STK33: variants seen among roughly 807,000 people sequenced by gnomAD.
The protein encoded by STK33 is serine/threonine-protein kinase 33.
STK33 carries 52 observed loss-of-function variants against 58.0 expected under a neutral mutation model. The observed-to-expected ratio is 0.90, with a 90% confidence interval of 0.72 to 1.13. The LOEUF (loss-of-function observed/expected upper bound fraction) is 1.13, where lower values mean the gene tolerates loss of function less well. Among genes scored for constraint, STK33 ranks in the 50% most tolerant of loss-of-function variants. The pLI, the probability that STK33 is intolerant of heterozygous loss-of-function variation, is 0.00. For missense variants in STK33, 630 were observed against 604.2 expected, an observed-to-expected ratio of 1.04 and a Z score of -0.45; for synonymous variants, 215 against 200.1, an observed-to-expected ratio of 1.07 and a Z score of -0.63.
At chr11:8,403,855 G>T (rs1288781096) in intron 15 of STK33, among the ~76,000 whole-genome samples, 1 of 152,162 alleles carries the variant, frequency 6.6e-6, no homozygotes, top group Non-Finnish European at 1.5e-5. Context: ...GGTGATAATG[G>T]ATGCAAAACC....
rs55646106 is a variant in STK33, at chr11:8,442,030, T to TACACAC, written c.872-1283_872-1278dup. On this transcript the variant is annotated intron_variant, in intron 11 of 15. Transcript: ENST00000687296. ...TCTCCCACCTACACATACCTACACCTACACACACACACACACACACACACA... is the reference window on the plus strand; with the variant it reads ...TCTCCCACCTACACATACCTACACCTACACACACACACACACACACACACACACACA... Among the ~76,000 whole-genome samples, 576 of 143,416 alleles carry TACACAC rather than the reference T, an allele frequency of 4.0e-3. 7 individuals are homozygous for TACACAC. The highest frequency in any genetic ancestry group is 0.014 in the African/African-American group (535 of 39,050). 94.1% of individuals were successfully genotyped at this position (143,416 alleles called of 152,430 possible).
At chr11:8,461,667 G>T in intron 8 of STK33, 138 bp downstream of exon 8, 1 of 511,176 alleles carries the variant, frequency 2.0e-6, no homozygotes. Flanking sequence ...CCTCCAGAAT[G>T]TTCTCATCAA....
At chr11:8,535,897 G>T (rs1954959928) in intron 1 of STK33, among the ~76,000 whole-genome samples, 1 of 152,184 alleles carries the variant, frequency 6.6e-6, no homozygotes, top group South Asian at 2.1e-4. Flanking sequence ...TAGAATACTG[G>T]AATGGAATAC....
At chr11:8,464,597 G>T in intron 7 of STK33, 112 bp downstream of exon 7, 2 of 674,172 alleles carry the variant, frequency 3.0e-6, no homozygotes, top group Non-Finnish European at 5.0e-6. Context: ...ATCAGCCCAG[G>T]CCTGGGACCT....
At chr11:8,512,222 C>A (rs1952387750) in intron 1 of STK33, among the ~76,000 whole-genome samples, 1 of 152,050 alleles carries the variant, frequency 6.6e-6, no homozygotes, top group Non-Finnish European at 1.5e-5. Context: ...CTATAACTGA[C>A]AAAAATTTAC....
rs117337072 is a variant in STK33 at position 8,468,860 on chromosome 11, G to A, written c.340-4038C>T. Among the ~76,000 whole-genome samples the A allele has an allele frequency of 2.2e-3, 333 of 152,076 alleles. 3 individuals are homozygous for A. Among genetic ancestry groups the A allele is most frequent in the Non-Finnish European group, 4.2e-3 (288 of 67,988 alleles). ...AGACCACCACCATAAAGCAAAAATT[G>A]CAATAAAGCATATAAAAGTTATGTT... On this transcript the variant is annotated intron_variant, in intron 6 of 15. Coordinates refer to ENST00000687296, the MANE Select transcript of STK33 (RefSeq NM_001352389.2).
intron 14 of STK33, among the ~76,000 whole-genome samples, chr11:8,425,121 C>CT: frequency 6.6e-6 from 1 of 151,102 alleles, no homozygotes; most frequent in African/African-American, 2.4e-5. Flanking sequence ...GGTTTTAGGT[C>CT]TAACATTTAA....
intron 14 of STK33, chr11:8,434,352 A>T (rs1943803033): frequency 5.9e-5 from 9 of 153,476 alleles, no homozygotes; most frequent in Middle Eastern, 3.3e-3. Flanking sequence ...CAAATAATAG[A>T]TTTATAATTT....
intron 1 of STK33, among the ~76,000 whole-genome samples, chr11:8,525,643 A>T (rs2139988380): frequency 6.6e-6 from 1 of 152,342 alleles, no homozygotes; most frequent in Non-Finnish European, 1.5e-5. Flanking sequence ...TAAAGCTTCC[A>T]AAAGAAAACA....
intron 1 of STK33, among the ~76,000 whole-genome samples, chr11:8,579,938 A>G (rs1211546470): frequency 6.6e-6 from 1 of 152,212 alleles, no homozygotes; most frequent in Non-Finnish European, 1.5e-5. Context: ...CCCAGTTTAA[A>G]CGGCTTTTAT....
At chr11:8,458,048 T>TC (rs1565057580) in intron 8 of STK33, among the ~76,000 whole-genome samples, 2 of 152,138 alleles carry the variant, frequency 1.3e-5, no homozygotes, top group Non-Finnish European at 2.9e-5. Context: ...GGATTTTTTT[T>TC]CCCATATGCA....
At chr11:8,529,297 C>A (rs1032727184) in intron 1 of STK33, among the ~76,000 whole-genome samples, 1 of 152,190 alleles carries the variant, frequency 6.6e-6, no homozygotes, top group Non-Finnish European at 1.5e-5. Context: ...GGGCCAGAGG[C>A]AGGTAGGGCC....
chr11:8,435,055 T>C (rs905957173), intron 14 of STK33, among the ~76,000 whole-genome samples: 1 of 152,140 alleles, frequency 6.6e-6, no homozygotes, highest in African/African-American at 2.4e-5. Flanking sequence ...TGTAAATAAA[T>C]AAAATTCCAA....
At chr11:8,495,953 TG>T (rs1347717138) in intron 1 of STK33, among the ~76,000 whole-genome samples, 3 of 101,218 alleles carry the variant, frequency 3.0e-5, no homozygotes, top group Non-Finnish European at 6.0e-5. Context: ...TGTCATGGGG[TG>T]GGGGGCTGGG....
At chr11:8,520,489 G>T (rs1953309049) in intron 1 of STK33, among the ~76,000 whole-genome samples, 1 of 152,124 alleles carries the variant, frequency 6.6e-6, no homozygotes, top group Non-Finnish European at 1.5e-5. Flanking sequence ...GGAAGTTCTG[G>T]CCAGGGCAAT....
At chr11:8,500,741 A>G (rs1951454405) in intron 1 of STK33, among the ~76,000 whole-genome samples, 1 of 152,204 alleles carries the variant, frequency 6.6e-6, no homozygotes, top group South Asian at 2.1e-4. Flanking sequence ...ATCTTGAAAA[A>G]GAACAAAGTT....
intron 1 of STK33, among the ~76,000 whole-genome samples, chr11:8,581,224 G>A (rs996847067): frequency 2.6e-5 from 4 of 151,892 alleles, no homozygotes; most frequent in Non-Finnish European, 2.9e-5. Flanking sequence ...CTTAGAAACC[G>A]ATATACACAG....
chr11:8,570,984 T>C (rs565166686), intron 1 of STK33, among the ~76,000 whole-genome samples: 294 of 152,180 alleles, frequency 1.9e-3, no homozygotes, highest in Middle Eastern at 0.01. Context: ...GCTAGAAAAC[T>C]GGACAAAATA....
At chr11:8,342,675 G>C in the STK33 span, among the ~76,000 whole-genome samples, 665 of 152,320 alleles carry the variant, frequency 4.4e-3, 8 homozygotes, top group African/African-American at 0.015. Context: ...TATGAGGTAG[G>C]TATTATTTCC....
Sources: gnomAD v4.1 joint callset for allele counts (sites outside exome capture counted in the v4.1 genomes callset) on GRCh38, gnomAD v4.1.1 for gene constraint, MANE v1.5 for transcripts, NCBI Gene and HGNC (gene_info 2026-07-23, HGNC 2026-07-21) for gene names.